PTAFR: variants seen among roughly 807,000 people sequenced by gnomAD.
PTAFR encodes the protein platelet activating factor receptor.
A neutral mutation model predicts 14.7 loss-of-function variants in PTAFR; 8 were observed. That is an observed-to-expected ratio of 0.54 (90% CI 0.32 to 0.98). The LOEUF is 0.98. Among genes scored for constraint, PTAFR ranks in the 50% least tolerant of loss-of-function variants. PTAFR has a pLI of 0.04. For missense variants in PTAFR, 337 were observed against 451.2 expected, an observed-to-expected ratio of 0.75 and a Z score of 2.29; for synonymous variants, 156 against 176.5, an observed-to-expected ratio of 0.88 and a Z score of 0.92.
At chr1:28,189,542 G>A (rs1211890249) in intron 1 of PTAFR, among the ~76,000 whole-genome samples, 1 of 151,780 alleles carries the variant, frequency 6.6e-6, no homozygotes, top group Non-Finnish European at 1.5e-5. Flanking sequence ...GAACCCAGGA[G>A]GTGGAGGTTG....
intron 1 of PTAFR, among the ~76,000 whole-genome samples, chr1:28,170,633 G>A (rs1290452429): frequency 1.3e-5 from 2 of 151,940 alleles, no homozygotes; most frequent in South Asian, 4.2e-4. Flanking sequence ...GGATCACTTG[G>A]GTCCATTACA....
chr1:28,181,598 C>T (rs1167426543), upstream of PTAFR, among the ~76,000 whole-genome samples: 2 of 151,876 alleles, frequency 1.3e-5, no homozygotes, highest in African/African-American at 4.8e-5. Context: ...ACAAAATTGC[C>T]GGGCATAGTG....
At chr1:28,174,330 C>T (rs183705775) in intron 1 of PTAFR, among the ~76,000 whole-genome samples, 1 of 152,204 alleles carries the variant, frequency 6.6e-6, no homozygotes, top group East Asian at 1.9e-4. Flanking sequence ...GTGGGGGATG[C>T]CACCAAGAAA....
At chr1:28,159,346 T>G (rs1572033451) in intron 1 of PTAFR, among the ~76,000 whole-genome samples, 1 of 152,018 alleles carries the variant, frequency 6.6e-6, no homozygotes, top group South Asian at 2.1e-4. Context: ...TTCAAGAGCT[T>G]GGGAAGACAT....
chr1:28,150,199 G>A lies in PTAFR; in HGVS notation c.823C>T (p.His275Tyr), dbSNP rs140347568. 1.2e-6 allele frequency: 2 copies of A among 1,614,030 alleles called. No individual in the cohort carries two copies. Among genetic ancestry groups the A allele is most frequent in the South Asian group, 2.2e-5 (2 of 91,082 alleles). The change falls in exon 2 of 2, where the codon CAT becomes TAT. Residue 275 changes from histidine (H) to tyrosine (Y), a missense_variant. Coordinates refer to ENST00000373857, the MANE Select transcript of PTAFR (RefSeq NM_000952.5). The surrounding 1 kb of genome is among the most constrained non-coding windows in gnomAD (Gnocchi z 6.3). ...CTAAGGAGGCAGAGGGTGACCTGAT[G>A]TGCATCATTAATGGCCTGGTGGAAT... ...SKFHQAINDA[H>Y]QVTLCLLSTN...
chr1:28,168,044 C>T (rs1276457244), intron 1 of PTAFR, among the ~76,000 whole-genome samples: 1 of 148,646 alleles, frequency 6.7e-6, no homozygotes, highest in African/African-American at 2.5e-5. Context: ...CTGCAAGCTC[C>T]GCCTCCCGGG....
intron 1 of PTAFR, among the ~76,000 whole-genome samples, chr1:28,162,563 C>T (rs974379582): frequency 2.0e-5 from 3 of 152,076 alleles, no homozygotes; most frequent in Admixed American, 6.6e-5. Context: ...TGGTGGCTCA[C>T]GCCTGTCATC....
At chr1:28,180,423 C>A (rs964324797), upstream of PTAFR, among the ~76,000 whole-genome samples, 9 of 152,156 alleles carry the variant, frequency 5.9e-5, no homozygotes, top group African/African-American at 2.2e-4. Flanking sequence ...GAGCCTGCAA[C>A]AGGCAGGGAG....
At chr1:28,152,259 C>T (rs1646202213) in intron 1 of PTAFR, among the ~76,000 whole-genome samples, 1 of 151,988 alleles carries the variant, frequency 6.6e-6, no homozygotes, top group Admixed American at 6.5e-5. Flanking sequence ...ACCTGATAGT[C>T]AATACAATCA....
At chr1:28,186,377 G>A (rs1646606619) in intron 1 of PTAFR, among the ~76,000 whole-genome samples, 2 of 151,966 alleles carry the variant, frequency 1.3e-5, no homozygotes, top group African/African-American at 2.4e-5. Context: ...CTATATTCAT[G>A]CATGAGACTG....
intron 1 of PTAFR, among the ~76,000 whole-genome samples, chr1:28,183,842 A>AC (rs1226543642): frequency 3.3e-5 from 5 of 151,572 alleles, no homozygotes; most frequent in Non-Finnish European, 5.9e-5. Flanking sequence ...AGCCAAGATC[A>AC]CCCCACTGCA....
chr1:28,155,749 T>G (rs1162468163), intron 1 of PTAFR, among the ~76,000 whole-genome samples: 1 of 151,766 alleles, frequency 6.6e-6, no homozygotes, highest in East Asian at 1.9e-4. Flanking sequence ...ACTCCTGTAG[T>G]CCCAGCTACT....
In PTAFR at chr1:28,151,023, G is replaced by C. The variant is rs1395724895; in HGVS notation, c.-2C>G. 1.3e-6 allele frequency: 2 copies of C among 1,577,800 alleles called. No homozygotes were observed. Among genetic ancestry groups the C allele is most frequent in the Non-Finnish European group, 1.7e-6 (2 of 1,160,522 alleles). ...GTGGGAGGAGTCATGTGGCTCCATT[G>C]CTGTGGGCTGGAATGATCAGCTGGT... On this transcript the variant is annotated 5_prime_UTR_variant, in exon 2 of 2. Coordinates refer to ENST00000373857, the MANE Select transcript of PTAFR (RefSeq NM_000952.5).
At chr1:28,157,638 T>C in intron 1 of PTAFR, among the ~76,000 whole-genome samples, 1 of 151,162 alleles carries the variant, frequency 6.6e-6, no homozygotes, top group African/African-American at 2.4e-5. Flanking sequence ...TGATTTTTTT[T>C]TTTTTTTTGA....
chr1:28,175,848 T>C (rs1446938099), intron 1 of PTAFR, among the ~76,000 whole-genome samples: 1 of 152,130 alleles, frequency 6.6e-6, no homozygotes, highest in Non-Finnish European at 1.5e-5. Context: ...TTTAGAAAAC[T>C]GCACAGAGAT....
At chr1:28,191,910 T>C in intron 1 of PTAFR, among the ~76,000 whole-genome samples, 1 of 151,468 alleles carries the variant, frequency 6.6e-6, no homozygotes, top group Non-Finnish European at 1.5e-5. Flanking sequence ...TACAAAAAAA[T>C]ATAAAAATTA....
chr1:28,172,266 T>C (rs181812924), intron 1 of PTAFR, among the ~76,000 whole-genome samples: 397 of 152,270 alleles, frequency 2.6e-3, no homozygotes, highest in Non-Finnish European at 3.8e-3. Flanking sequence ...TCCACCCACC[T>C]CAACATCCCA....
chr1:28,156,155 CG>C (rs1301474838), intron 1 of PTAFR, among the ~76,000 whole-genome samples: 1 of 151,382 alleles, frequency 6.6e-6, no homozygotes, highest in Admixed American at 6.6e-5. Flanking sequence ...CCCAGCTACT[CG>C]GGAGGTTAAG....
At chr1:28,156,171 G>T (rs1397192771) in intron 1 of PTAFR, among the ~76,000 whole-genome samples, 1 of 151,714 alleles carries the variant, frequency 6.6e-6, no homozygotes, top group East Asian at 1.9e-4. Context: ...GTTAAGGCAG[G>T]AGAATCGCTT....
Sources: allele counts gnomAD v4.1 joint callset (sites outside exome capture counted in the v4.1 genomes callset), GRCh38; gene constraint gnomAD v4.1.1; non-coding constraint Gnocchi (gnomAD v3.1); transcripts MANE v1.5; gene names NCBI Gene and HGNC (gene_info 2026-07-23, HGNC 2026-07-21).